The following ACTR3C variants were observed in gnomAD, a reference collection of about 807,000 sequenced individuals.
ACTR3C encodes actin-related protein 3C.
A neutral mutation model predicts 26.3 loss-of-function variants in ACTR3C; 18 were observed. That is an observed-to-expected ratio of 0.68 (90% CI 0.47 to 1.01). The LOEUF (loss-of-function observed/expected upper bound fraction) is 1.01. Ranked by LOEUF, ACTR3C falls within the 50% of genes least tolerant of loss-of-function variation. The probability of loss-of-function intolerance (pLI) is 0.00; values close to 1 mark genes in which losing one functional copy is unlikely to be tolerated. For synonymous variants in ACTR3C, 55 were observed against 94.5 expected, an observed-to-expected ratio of 0.58 and a Z score of 2.42; for missense variants, 184 against 250.7, an observed-to-expected ratio of 0.73 and a Z score of 1.80.
At chr7:149,964,850 A>T in the ACTR3C span, among the ~76,000 whole-genome samples, 7,225 of 152,018 alleles carry the variant, frequency 0.048, 546 homozygotes, top group African/African-American at 0.16. Context: ...CAGGTAGAAC[A>T]CTAAGACCTA....
the ACTR3C span, among the ~76,000 whole-genome samples, chr7:150,227,701 G>GT: frequency 0.012 from 1,141 of 94,136 alleles, 18 homozygotes; most frequent in South Asian, 0.016. Context: ...TTTTTTTTTT[G>GT]TTTTTTTTTT....
At chr7:150,172,448 A>C in the ACTR3C span, among the ~76,000 whole-genome samples, 2 of 150,574 alleles carry the variant, frequency 1.3e-5, no homozygotes, top group African/African-American at 5.0e-5. Context: ...CATGGGAAAC[A>C]CCAGTCCCCA....
chr7:150,080,828 G>A, the ACTR3C span, among the ~76,000 whole-genome samples: 1 of 152,152 alleles, frequency 6.6e-6, no homozygotes, highest in East Asian at 1.9e-4. Flanking sequence ...TATCTGTTAT[G>A]GTTACTGGCC....
At chr7:150,307,216 T>C (rs1795865550) in intron 1 of ACTR3C, among the ~76,000 whole-genome samples, 1 of 152,240 alleles carries the variant, frequency 6.6e-6, no homozygotes, top group African/African-American at 2.4e-5. Context: ...CAAATACATG[T>C]AAGATGTACA....
the ACTR3C span, among the ~76,000 whole-genome samples, chr7:150,135,445 G>A: frequency 2.0e-5 from 3 of 152,214 alleles, no homozygotes; most frequent in Admixed American, 6.5e-5. Context: ...GGAGGGACCG[G>A]AATGGTTAAT....
chr7:149,982,265 C>T, the ACTR3C span, among the ~76,000 whole-genome samples: 1 of 152,140 alleles, frequency 6.6e-6, no homozygotes, highest in Non-Finnish European at 1.5e-5. Flanking sequence ...CTGACTCTCA[C>T]TGGTTAAAGG....
At position 150,293,360 on chromosome 7, in the gene ACTR3C, C is replaced by T. The variant is rs1303371315; in HGVS notation, c.105G>A (p.Thr35=). ...CATCTCCGCTGTCAATGACTATCCC[C>T]GTTAATGTACGTTCACCCACTTGTC... ...TSRQVGERTL[T]GIVIDSGDGV... is the part of the protein sequence containing the mutation. The change falls in exon 3 of 8, where the codon ACG becomes ACA. Residue 35 remains threonine, a synonymous_variant. Transcript: ENST00000683684. The T allele has an allele frequency of 8.1e-6, 13 of 1,607,606 alleles. No individual in the cohort carries two copies. The highest frequency in any genetic ancestry group is 1.3e-5 in the African/African-American group (1 of 74,796).
At chr7:150,230,605 T>C in the ACTR3C span, among the ~76,000 whole-genome samples, 5 of 152,204 alleles carry the variant, frequency 3.3e-5, no homozygotes, top group East Asian at 7.7e-4. Flanking sequence ...ATGCTCCTTA[T>C]AAGAACCTAA....
the ACTR3C span, among the ~76,000 whole-genome samples, chr7:149,972,331 T>G: frequency 6.6e-6 from 1 of 152,270 alleles, no homozygotes; most frequent in Non-Finnish European, 1.5e-5. Flanking sequence ...GGGATATTTT[T>G]GAAACCATTT....
chr7:150,009,277 G>T, the ACTR3C span, among the ~76,000 whole-genome samples: 1 of 152,228 alleles, frequency 6.6e-6, no homozygotes, highest in Non-Finnish European at 1.5e-5. Flanking sequence ...TGAGAGGGTA[G>T]ATTCCAATGA....
the ACTR3C span, among the ~76,000 whole-genome samples, chr7:150,158,815 G>T: frequency 6.7e-6 from 1 of 149,434 alleles, no homozygotes; most frequent in African/African-American, 2.5e-5. Context: ...CACACACACA[G>T]GCACACACAT....
chr7:150,178,280 C>CT, the ACTR3C span, among the ~76,000 whole-genome samples: 3,618 of 125,044 alleles, frequency 0.029, 254 homozygotes, highest in African/African-American at 0.09. Flanking sequence ...AACAGGAATA[C>CT]TTTTTTTTTT....
the ACTR3C span, among the ~76,000 whole-genome samples, chr7:150,037,833 G>C: frequency 2.8e-5 from 2 of 70,630 alleles, 1 homozygote; most frequent in Non-Finnish European, 6.1e-5. Flanking sequence ...CTCAGTCCCT[G>C]CCTCGCGGAG....
At chr7:149,949,786 G>GT in the ACTR3C span, among the ~76,000 whole-genome samples, 1,067 of 140,574 alleles carry the variant, frequency 7.6e-3, 70 homozygotes, top group African/African-American at 0.032. Context: ...TGGATTCCCT[G>GT]TTTTTTCAGA....
chr7:150,042,001 A>G, the ACTR3C span, among the ~76,000 whole-genome samples: 22 of 139,480 alleles, frequency 1.6e-4, no homozygotes, highest in Middle Eastern at 4.1e-3. Context: ...ACTAACACCC[A>G]CAGTCCTCCA....
the ACTR3C span, among the ~76,000 whole-genome samples, chr7:150,175,948 A>G: frequency 2.0e-5 from 3 of 150,630 alleles, no homozygotes; most frequent in African/African-American, 7.5e-5. Context: ...ATCTACCTAT[A>G]AGATTAAGTC....
At chr7:150,284,041 C>G (rs1216029272) in intron 6 of ACTR3C, among the ~76,000 whole-genome samples, 5 of 151,842 alleles carry the variant, frequency 3.3e-5, no homozygotes, top group East Asian at 3.8e-4. Context: ...CATATTCTAT[C>G]TGACTGTCCC....
chr7:150,106,004 TAGG>T, the ACTR3C span, among the ~76,000 whole-genome samples: 181 of 152,218 alleles, frequency 1.2e-3, 4 homozygotes, highest in East Asian at 0.022. Flanking sequence ...ATTAAAATTT[TAGG>T]AGAAGCTTTT....
the ACTR3C span, among the ~76,000 whole-genome samples, chr7:149,996,582 A>AAAATAAATAAATAAATAAAT: frequency 6.7e-6 from 1 of 148,908 alleles, no homozygotes; most frequent in African/African-American, 2.5e-5. Context: ...TTCTGGTAAA[A>AAAATAAATAAATAAATAAAT]AAATAAATAA....
Sources: allele counts gnomAD v4.1 joint callset (sites outside exome capture counted in the v4.1 genomes callset), GRCh38; gene constraint gnomAD v4.1.1; transcripts MANE v1.5; gene names NCBI Gene and HGNC (gene_info 2026-07-23, HGNC 2026-07-21).